Variants in FHIT observed in about 807,000 individuals in gnomAD.
The protein encoded by FHIT is bis(5'-adenosyl)-triphosphatase.
In FHIT, 19 loss-of-function variants were observed where a neutral mutation model predicts 17.9. That is an observed-to-expected ratio of 1.06 (90% confidence interval 0.74 to 1.56). The LOEUF is 1.56. Ranked by LOEUF, FHIT falls within the 40% of genes most tolerant of loss-of-function variation. The pLI is 0.00. For missense variants in FHIT, 248 were observed against 189.2 expected, an observed-to-expected ratio of 1.31 and a Z score of -1.82; for synonymous variants, 81 against 69.7, an observed-to-expected ratio of 1.16 and a Z score of -0.81.
At chr3:60,101,756 T>C (rs1028335750) in intron 5 of FHIT, among the ~76,000 whole-genome samples, 2 of 152,174 alleles carry the variant, frequency 1.3e-5, no homozygotes, top group Admixed American at 6.5e-5. Flanking sequence ...CCAAGTTCCA[T>C]CACATTCCAA....
intron 5 of FHIT, among the ~76,000 whole-genome samples, chr3:60,351,011 T>C (rs113602261): frequency 0.01 from 1,550 of 152,230 alleles, 32 homozygotes; most frequent in African/African-American, 0.035. Context: ...AGTAGATCCC[T>C]TCCCAGTCAA....
At position 61,249,933 on chromosome 3, in the gene FHIT, AACACACACACACACACACACAC is replaced by A. The variant is rs71100943; in HGVS notation, c.-213+1346_-213+1367del. 2.1e-3 allele frequency among the ~76,000 whole-genome samples: 264 copies of A among 126,120 alleles called. 1 individual carries two copies. The highest frequency in any genetic ancestry group is 6.1e-3 in the African/African-American group (206 of 33,522). The allele number at this position is 126,120 out of a possible 152,430, so 82.7% of individuals were successfully genotyped here. A position where few individuals can be genotyped will look rare whatever the true frequency, so the allele number is the denominator to read the frequency against. ...TAGAACAGCATATGCAATCAATAAC[AACACACACACACACACACACAC>A]ACACACACACACACACACACACACA... On this transcript the variant is annotated intron_variant, in intron 1 of 9. Coordinates refer to ENST00000492590, the MANE Select transcript of FHIT (RefSeq NM_002012.4).
At chr3:60,665,383 T>G (rs1330921556) in intron 4 of FHIT, among the ~76,000 whole-genome samples, 1 of 152,046 alleles carries the variant, frequency 6.6e-6, no homozygotes, top group African/African-American at 2.4e-5. Flanking sequence ...ATTGAAGTCC[T>G]GAAATATAAT....
At chr3:60,227,376 G>A (rs924443834) in intron 5 of FHIT, among the ~76,000 whole-genome samples, 50 of 152,146 alleles carry the variant, frequency 3.3e-4, no homozygotes, top group African/African-American at 1.1e-3. Context: ...TCCCACCTCT[G>A]AAAATATTTT....
intron 2 of FHIT, among the ~76,000 whole-genome samples, chr3:61,043,471 C>A (rs1290934846): frequency 1.3e-5 from 2 of 152,170 alleles, no homozygotes; most frequent in African/African-American, 4.8e-5. Context: ...AACAAAGAGG[C>A]CCAGAAACTC....
At chr3:59,892,771 C>A (rs1234357082) in intron 8 of FHIT, among the ~76,000 whole-genome samples, 1 of 151,886 alleles carries the variant, frequency 6.6e-6, no homozygotes, top group Non-Finnish European at 1.5e-5. Context: ...AAGACGAAAC[C>A]CAGAGCAAAG....
chr3:60,876,450 T>C (rs1553756555), intron 3 of FHIT, among the ~76,000 whole-genome samples: 1 of 152,194 alleles, frequency 6.6e-6, no homozygotes. Context: ...ATGAGTCTAG[T>C]ATATTTGATT....
intron 2 of FHIT, among the ~76,000 whole-genome samples, chr3:61,063,514 T>C (rs887262363): frequency 1.3e-5 from 2 of 152,056 alleles, no homozygotes; most frequent in African/African-American, 4.8e-5. Flanking sequence ...ATGGGAAGGA[T>C]GAAAGAGAAG....
At chr3:59,757,105 A>G (rs779525481) in intron 8 of FHIT, among the ~76,000 whole-genome samples, 13 of 152,078 alleles carry the variant, frequency 8.5e-5, no homozygotes, top group Non-Finnish European at 8.8e-5. Context: ...AATGCTCAAC[A>G]CCAACGCTGA....
intron 3 of FHIT, among the ~76,000 whole-genome samples, chr3:60,830,994 A>G (rs1169564865): frequency 1.3e-5 from 2 of 152,222 alleles, no homozygotes; most frequent in Non-Finnish European, 2.9e-5. Flanking sequence ...GGCATGTTTT[A>G]TGACAGATTC....
intron 8 of FHIT, among the ~76,000 whole-genome samples, chr3:59,857,705 G>GGTTTTTTTTT (rs1322924192): frequency 3.5e-5 from 4 of 115,436 alleles, no homozygotes; most frequent in African/African-American, 1.4e-4. Flanking sequence ...AAAGTGCTGG[G>GGTTTTTTTTT]TTTTTTTTTT....
chr3:60,672,906 T>TGTGTGTGC lies in FHIT; in HGVS notation c.-17-135928_-17-135927insGCACACAC, dbSNP rs1454491586. On this transcript the variant is annotated intron_variant, in intron 4 of 9. Transcript: ENST00000492590. ...GTGTGTGTGTGTGTGTGTGTGTGTG[T>TGTGTGTGC]GCATGCATGCTCTAGGACTAACAAT... Among the ~76,000 whole-genome samples the TGTGTGTGC allele has an allele frequency of 5.8e-4, 88 of 151,572 alleles. No homozygotes were observed. In the South Asian group the frequency reaches 9.1e-3, roughly 16 times the overall value.
chr3:60,083,077 T>C (rs1280304941), intron 5 of FHIT, among the ~76,000 whole-genome samples: 2 of 152,196 alleles, frequency 1.3e-5, no homozygotes, highest in African/African-American at 4.8e-5. Flanking sequence ...ACTTTTCTTC[T>C]AGGATTTTTA....
At chr3:60,541,180 C>T (rs1445383770) in intron 4 of FHIT, among the ~76,000 whole-genome samples, 2 of 152,234 alleles carry the variant, frequency 1.3e-5, no homozygotes, top group Non-Finnish European at 2.9e-5. Flanking sequence ...CCTCCTAAGA[C>T]AGTCAACTCT....
chr3:61,128,551 C>A (rs1002170836), intron 2 of FHIT, among the ~76,000 whole-genome samples: 13 of 152,100 alleles, frequency 8.5e-5, no homozygotes, highest in African/African-American at 2.9e-4. Flanking sequence ...GATGTCCCAT[C>A]CACAGGGGTT....
At chr3:61,200,054 C>T (rs1383500081) in intron 2 of FHIT, among the ~76,000 whole-genome samples, 1 of 152,122 alleles carries the variant, frequency 6.6e-6, no homozygotes, top group Non-Finnish European at 1.5e-5. Context: ...AGGTACTTTT[C>T]CCATTGCTTC....
chr3:60,983,135 T>TTG (rs60471009), intron 3 of FHIT, among the ~76,000 whole-genome samples: 10,539 of 148,850 alleles, frequency 0.071, 421 homozygotes, highest in African/African-American at 0.11. Context: ...ACCTTCTCTC[T>TTG]TGTGTGTGTG....
At chr3:61,215,247 T>C (rs2039634645) in intron 1 of FHIT, among the ~76,000 whole-genome samples, 1 of 151,776 alleles carries the variant, frequency 6.6e-6, no homozygotes, top group Non-Finnish European at 1.5e-5. Context: ...GACATGATTG[T>C]ATATCTAGAA....
At chr3:59,754,724 T>G (rs1701113516) in intron 8 of FHIT, among the ~76,000 whole-genome samples, 1 of 152,226 alleles carries the variant, frequency 6.6e-6, no homozygotes, top group African/African-American at 2.4e-5. Context: ...GCCTTACAGA[T>G]GGCAACATTG....
Sources: gnomAD v4.1 joint callset for allele counts (sites outside exome capture counted in the v4.1 genomes callset) on GRCh38, gnomAD v4.1.1 for gene constraint, MANE v1.5 for transcripts, NCBI Gene and HGNC (gene_info 2026-07-23, HGNC 2026-07-21) for gene names.